GLDC: variants seen among roughly 807,000 people sequenced by gnomAD.
GLDC encodes glycine dehydrogenase (decarboxylating), mitochondrial.
A neutral mutation model predicts 121.3 loss-of-function variants in GLDC; 104 were observed. That is an observed-to-expected ratio of 0.86 (90% CI 0.73 to 1.01). The LOEUF (loss-of-function observed/expected upper bound fraction) is 1.01, where lower values mean the gene tolerates loss of function less well. GLDC is among the 50% of genes least tolerant of loss of function. GLDC has a pLI of 0.00. For missense variants in GLDC, 1,429 were observed against 1,306.6 expected, an observed-to-expected ratio of 1.09 and a Z score of -1.44; for synonymous variants, 546 against 480.6, an observed-to-expected ratio of 1.14 and a Z score of -1.78.
intron 2 of GLDC, chr9:6,639,485 G>C (rs1819581425): frequency 5.7e-6 from 5 of 883,894 alleles, no homozygotes; most frequent in Non-Finnish European, 9.5e-6. Context: ...CTGTGAAGAA[G>C]CTCTATGACA....
At chr9:6,601,565 G>T (rs367872047) in intron 8 of GLDC, among the ~76,000 whole-genome samples, 1 of 152,074 alleles carries the variant, frequency 6.6e-6, no homozygotes, top group Admixed American at 6.5e-5. Context: ...GAAAGCATAG[G>T]CAAATGGTGT....
intron 16 of GLDC, among the ~76,000 whole-genome samples, chr9:6,563,951 A>G (rs1817805515): frequency 6.6e-6 from 1 of 151,736 alleles, no homozygotes; most frequent in African/African-American, 2.4e-5. Context: ...AGCTATGAAG[A>G]GAAAAAAAAA....
intron 2 of GLDC, among the ~76,000 whole-genome samples, chr9:6,623,801 C>T (rs112645470): frequency 6.6e-6 from 1 of 152,150 alleles, no homozygotes; most frequent in Non-Finnish European, 1.5e-5. Context: ...AGAAGATAGG[C>T]AAGGACAACA....
At chr9:6,561,968 A>G (rs1398022645) in intron 16 of GLDC, among the ~76,000 whole-genome samples, 1 of 152,144 alleles carries the variant, frequency 6.6e-6, no homozygotes, top group Non-Finnish European at 1.5e-5. Flanking sequence ...ACAGGTTTTG[A>G]GCTTTCTTTG....
At chr9:6,636,354 A>G (rs554905551) in intron 2 of GLDC, among the ~76,000 whole-genome samples, 2 of 152,112 alleles carry the variant, frequency 1.3e-5, no homozygotes, top group Non-Finnish European at 2.9e-5. Flanking sequence ...TGTAGGTTCA[A>G]TTGTAGCAAA....
chr9:6,554,164 G>A (rs1817569927), intron 19 of GLDC, among the ~76,000 whole-genome samples: 1 of 152,198 alleles, frequency 6.6e-6, no homozygotes, highest in South Asian at 2.1e-4. Context: ...CCACAGCTAA[G>A]AAATATTCCT....
intron 21 of GLDC, among the ~76,000 whole-genome samples, chr9:6,543,196 T>C (rs185487269): frequency 6.6e-6 from 1 of 151,798 alleles, no homozygotes; most frequent in Non-Finnish European, 1.5e-5. Flanking sequence ...AATCGCTTGA[T>C]CCCAGGAGGT....
In GLDC at chr9:6,631,898, T is replaced by A. The variant is rs557293430; in HGVS notation, c.335-11579A>T. 1.5e-3 allele frequency among the ~76,000 whole-genome samples: 223 copies of A among 152,170 alleles called. 1 individual carries two copies. The highest frequency in any genetic ancestry group is 2.7e-3 in the Non-Finnish European group (184 of 68,000). On this transcript the variant is annotated intron_variant, in intron 2 of 24. Coordinates refer to ENST00000321612, the MANE Select transcript of GLDC (RefSeq NM_000170.3). ...CCTAGGCAACACAGCAAGACCCCCG[T>A]CTCTACAAAATGAAATAAATTAGTC...
chr9:6,575,232 A>AAC (rs1818041249), intron 15 of GLDC, among the ~76,000 whole-genome samples: 1 of 150,984 alleles, frequency 6.6e-6, no homozygotes, highest in Non-Finnish European at 1.5e-5. Context: ...AAAAAAACAA[A>AAC]CCCCAAAACT....
intron 2 of GLDC, among the ~76,000 whole-genome samples, chr9:6,643,177 C>T (rs1263182927): frequency 1.3e-5 from 2 of 152,042 alleles, no homozygotes; most frequent in African/African-American, 4.8e-5. Flanking sequence ...AGATTATAGG[C>T]ATTTGCCACC....
rs186628455 is a variant in GLDC at position 6,608,282 on chromosome 9, C to T, written c.636-1613G>A. On this transcript the variant is annotated intron_variant, in intron 4 of 24. Transcript: ENST00000321612. ...CAAAAAAAAAAAACCCTTAGCCGGG[C>T]GTGGTGGCGGGCACCTGTAGTCCCA... 2.1e-5 allele frequency among the ~76,000 whole-genome samples: 3 copies of T among 144,814 alleles called. 1 individual carries two copies. Among genetic ancestry groups the T allele is most frequent in the Non-Finnish European group, 4.5e-5 (3 of 66,520 alleles).
intron 16 of GLDC, among the ~76,000 whole-genome samples, chr9:6,561,580 C>A (rs541213388): frequency 6.6e-6 from 1 of 152,056 alleles, no homozygotes; most frequent in African/African-American, 2.4e-5. Context: ...ACCCGGGAGG[C>A]GGAGGTTGCC....
chr9:6,582,552 G>A (rs532120684), intron 15 of GLDC, among the ~76,000 whole-genome samples: 10 of 151,436 alleles, frequency 6.6e-5, no homozygotes, highest in Admixed American at 3.3e-4. Flanking sequence ...CTGCTGGGCC[G>A]GGCGCGGTGG....
At chr9:6,619,132 G>A (rs1319585443) in intron 3 of GLDC, among the ~76,000 whole-genome samples, 1 of 106,718 alleles carries the variant, frequency 9.4e-6, no homozygotes, top group African/African-American at 3.8e-5. Context: ...AACAGAGTGA[G>A]ACTCTGTCTC....
chr9:6,618,800 G>A (rs936967362), intron 3 of GLDC, among the ~76,000 whole-genome samples: 2 of 152,126 alleles, frequency 1.3e-5, no homozygotes, highest in African/African-American at 4.8e-5. Flanking sequence ...GTGAGGACCA[G>A]AGTGGACAGG....
chr9:6,561,289 G>A (rs920264577), intron 16 of GLDC, among the ~76,000 whole-genome samples: 1 of 152,126 alleles, frequency 6.6e-6, no homozygotes, highest in African/African-American at 2.4e-5. Flanking sequence ...AGACATTTCT[G>A]GTTTTCTATG....
At chr9:6,621,752 G>A (rs1289533734) in intron 2 of GLDC, among the ~76,000 whole-genome samples, 1 of 152,244 alleles carries the variant, frequency 6.6e-6, no homozygotes, top group Non-Finnish European at 1.5e-5. Flanking sequence ...TTCTGACTTC[G>A]TGATCCGCCC....
At chr9:6,585,140 T>C (rs1474329938) in intron 15 of GLDC, 1 of 152,202 alleles carries the variant, frequency 6.6e-6, no homozygotes, top group Non-Finnish European at 1.5e-5. Context: ...CACCATGGGA[T>C]CTAATTCCTA....
intron 8 of GLDC, among the ~76,000 whole-genome samples, chr9:6,595,861 C>A (rs1231485591): frequency 6.6e-6 from 1 of 152,136 alleles, no homozygotes; most frequent in Non-Finnish European, 1.5e-5. Flanking sequence ...ATACTGGGTC[C>A]ATTTTGTTAG....
Sources: gnomAD v4.1 joint callset for allele counts (sites outside exome capture counted in the v4.1 genomes callset) on GRCh38, gnomAD v4.1.1 for gene constraint, MANE v1.5 for transcripts, NCBI Gene and HGNC (gene_info 2026-07-23, HGNC 2026-07-21) for gene names.